Variants in CREG2 observed in about 807,000 individuals in gnomAD.
The protein encoded by CREG2 is protein CREG2.
CREG2 carries 24 observed loss-of-function variants against 26.2 expected under a neutral mutation model. That is an observed-to-expected ratio of 0.92 (90% CI 0.66 to 1.29). The LOEUF is 1.29. Among genes scored for constraint, CREG2 ranks in the 50% most tolerant of loss-of-function variants. CREG2 has a pLI of 0.00. For missense variants in CREG2, 366 were observed against 398.6 expected, an observed-to-expected ratio of 0.92 and a Z score of 0.70; for synonymous variants, 174 against 169.2, an observed-to-expected ratio of 1.03 and a Z score of -0.22.
At chr2:101,361,913 A>G (rs1178168553) in intron 2 of CREG2, among the ~76,000 whole-genome samples, 2 of 152,156 alleles carry the variant, frequency 1.3e-5, no homozygotes, top group Non-Finnish European at 2.9e-5. Flanking sequence ...TTGGTAAACA[A>G]GGGCTGTAGG....
At position 101,387,022 on chromosome 2, in the gene CREG2, T is replaced by C. The variant is rs2104491123; in HGVS notation, c.436A>G (p.Lys146Glu). The C allele has an allele frequency of 8.9e-6, 11 of 1,231,828 alleles. No homozygotes were observed. Among genetic ancestry groups the C allele is most frequent in the Non-Finnish European group, 1.1e-5 (11 of 988,482 alleles). The allele number at this position is 1,231,828 out of a possible 1,614,324, so 76.3% of individuals were successfully genotyped here. ...WGCLATVSTH[K>E]KIQGLPFGNC... ...GCTCCCCGCCGGGCGCTCACCTTCT[T>C]GTGGGTGGACACGGTGGCCAGGCAG... The change falls in exon 1 of 4, where the codon AAG becomes GAG. Residue 146 changes from lysine to glutamate, a missense_variant. By Grantham distance (56) the Lys-to-Glu change is moderately conservative. This residue lies in a region of CREG2 where 15 missense variants were observed against 37.2 expected (regional missense o/e 0.40). Coordinates refer to ENST00000324768, the MANE Select transcript of CREG2 (RefSeq NM_153836.4). This position sits in a 1 kb window ranked among gnomAD's most constrained non-coding sequence, Gnocchi z 4.7.
At chr2:101,354,480 A>G (rs945862602) in intron 3 of CREG2, among the ~76,000 whole-genome samples, 2 of 151,928 alleles carry the variant, frequency 1.3e-5, no homozygotes, top group African/African-American at 4.8e-5. Flanking sequence ...GGGGTTGTGG[A>G]TCGCCCCTCC....
At chr2:101,351,221 G>T (rs1558812468) in intron 3 of CREG2, 151 bp from the exon 4 acceptor site, 5 of 711,792 alleles carry the variant, frequency 7.0e-6, no homozygotes, top group Non-Finnish European at 1.1e-5. Context: ...GAGTGTCAGT[G>T]CCTGGGACCA....
chr2:101,370,474 A>G (rs913646979), intron 2 of CREG2, among the ~76,000 whole-genome samples: 1 of 152,154 alleles, frequency 6.6e-6, no homozygotes, highest in Non-Finnish European at 1.5e-5. Context: ...GGAGATTGAG[A>G]ATCAGACAAA....
intron 2 of CREG2, among the ~76,000 whole-genome samples, chr2:101,364,518 C>A (rs980005157): frequency 1.3e-5 from 2 of 152,118 alleles, no homozygotes; most frequent in Non-Finnish European, 2.9e-5. Flanking sequence ...TGAGTTGCCT[C>A]GTGTGATTTC....
At chr2:101,378,064 C>T (rs1684817634) in intron 2 of CREG2, among the ~76,000 whole-genome samples, 1 of 152,190 alleles carries the variant, frequency 6.6e-6, no homozygotes, top group South Asian at 2.1e-4. Context: ...GTTAGATCCC[C>T]AGAACGTGTT....
chr2:101,385,808 G>A (rs1684959856), intron 1 of CREG2, among the ~76,000 whole-genome samples: 1 of 152,130 alleles, frequency 6.6e-6, no homozygotes, highest in South Asian at 2.1e-4. Flanking sequence ...TGAATTTATT[G>A]TTTAAATCAA....
At position 101,348,038 on chromosome 2, in the gene CREG2, C is replaced by T. The variant is rs1420153211; in HGVS notation, c.*2885G>A. The T allele has an allele frequency of 2.0e-5, 3 of 152,182 alleles. No individual in the cohort carries two copies. Among genetic ancestry groups the T allele is most frequent in the Admixed American group, 6.5e-5 (1 of 15,278 alleles). The allele number at this position is 152,182 out of a possible 1,614,324, so 9.4% of individuals were successfully genotyped here. A position where few individuals can be genotyped will look rare whatever the true frequency, so the allele number is the denominator to read the frequency against. On this transcript the variant is annotated 3_prime_UTR_variant, in exon 4 of 4. Coordinates refer to ENST00000324768, the MANE Select transcript of CREG2 (RefSeq NM_153836.4). The stretch of plus-strand genomic sequence containing the variant: ...TTATTTTCCTATGGATGTCCACTTA[C>T]TCCACACTTATTGAAAAGGCTATCC...
chr2:101,351,719 C>T (rs915522542), intron 3 of CREG2, among the ~76,000 whole-genome samples: 5 of 152,116 alleles, frequency 3.3e-5, no homozygotes, highest in Non-Finnish European at 7.3e-5. Flanking sequence ...AAACACGCTG[C>T]AGTATCGTTG....
chr2:101,347,172 G>A lies in CREG2; in HGVS notation c.*3751C>T, dbSNP rs1684320076. 6.6e-6 allele frequency: 1 copy of A among 152,142 alleles called. No individual in the cohort carries two copies. Among genetic ancestry groups the A allele is most frequent in the African/African-American group, 2.4e-5 (1 of 41,430 alleles). 9.4% of individuals were successfully genotyped at this position (152,142 alleles called of 1,614,324 possible). A position where few individuals can be genotyped will look rare whatever the true frequency, so the allele number is the denominator to read the frequency against. On this transcript the variant is annotated 3_prime_UTR_variant, in exon 4 of 4. Coordinates refer to ENST00000324768, the MANE Select transcript of CREG2 (RefSeq NM_153836.4). ...CAGTAATTAGTTCTTTTTTATCGCT[G>A]AGTAGTATTCCGGGCATAGAGGCAC...
intron 1 of CREG2, among the ~76,000 whole-genome samples, chr2:101,384,569 CT>C (rs1178318351): frequency 1.3e-5 from 2 of 152,098 alleles, no homozygotes; most frequent in Non-Finnish European, 2.9e-5. Flanking sequence ...GAGAGTTCCC[CT>C]GAGAGAAGGT....
intron 3 of CREG2, among the ~76,000 whole-genome samples, chr2:101,351,891 A>AT (rs1684386758): frequency 1.6e-4 from 24 of 151,442 alleles, no homozygotes; most frequent in Admixed American, 4.0e-4. Flanking sequence ...TTTATTAAAA[A>AT]ATTTTTTTTT....
At chr2:101,365,786 C>A (rs1284345908) in intron 2 of CREG2, among the ~76,000 whole-genome samples, 1 of 152,104 alleles carries the variant, frequency 6.6e-6, no homozygotes, top group Non-Finnish European at 1.5e-5. Context: ...CCAGTTGGTT[C>A]AACCCCAGAA....
At chr2:101,361,487 T>C (rs1457826068) in intron 2 of CREG2, among the ~76,000 whole-genome samples, 1 of 152,166 alleles carries the variant, frequency 6.6e-6, no homozygotes. Context: ...ATGGCTGGCT[T>C]TGAATACAGA....
chr2:101,349,683 T>C lies in CREG2; in HGVS notation c.*1240A>G, dbSNP rs938867322. On this transcript the variant is annotated 3_prime_UTR_variant, in exon 4 of 4. Coordinates refer to ENST00000324768, the MANE Select transcript of CREG2 (RefSeq NM_153836.4). ...CTAATTTCTCAAAAACACTAGGAGC[T>C]CCTACATATAATATGTAGAAAGTTT... 3.3e-5 allele frequency: 5 copies of C among 152,214 alleles called. No individual in the cohort carries two copies. The East Asian group carries it at 7.7e-4, about 24-fold the overall frequency. The allele number at this position is 152,214 out of a possible 1,614,324, so 9.4% of individuals were successfully genotyped here. A position where few individuals can be genotyped will look rare whatever the true frequency, so the allele number is the denominator to read the frequency against.
intron 3 of CREG2, among the ~76,000 whole-genome samples, chr2:101,353,273 T>C (rs1171417021): frequency 2.6e-5 from 4 of 152,232 alleles, no homozygotes; most frequent in Non-Finnish European, 5.9e-5. Flanking sequence ...TTAGATCCCA[T>C]TTATCAATTT....
At chr2:101,383,385 G>A (rs1454017919) in intron 2 of CREG2, 148 bp downstream of exon 2, 1 of 748,040 alleles carries the variant, frequency 1.3e-6, no homozygotes, top group Non-Finnish European at 2.1e-6. Context: ...GTGAGTGGTG[G>A]AATTCTAATT....
At chr2:101,364,997 C>T (rs180733262) in intron 2 of CREG2, among the ~76,000 whole-genome samples, 3 of 152,068 alleles carry the variant, frequency 2.0e-5, no homozygotes, top group East Asian at 1.9e-4. Flanking sequence ...GCGTAGGAGG[C>T]GTGGAATGGA....
chr2:101,386,939 C>A, intron 1 of CREG2, 78 bp downstream of exon 1: 31 of 1,218,114 alleles, frequency 2.5e-5, no homozygotes, highest in South Asian at 4.1e-5. Context: ...CCCGAGCGGT[C>A]GCGAGCACGT....
Sources: allele counts gnomAD v4.1 joint callset (sites outside exome capture counted in the v4.1 genomes callset), GRCh38; gene constraint gnomAD v4.1.1; regional missense constraint gnomAD v4.1.1; non-coding constraint Gnocchi (gnomAD v3.1); transcripts MANE v1.5; gene names NCBI Gene and HGNC (gene_info 2026-07-23, HGNC 2026-07-21).